The following SPEF2 variants were observed in gnomAD, a reference collection of about 807,000 sequenced individuals.
SPEF2 encodes the protein sperm flagellar and cilia associated 2.
A neutral mutation model predicts 224.6 loss-of-function variants in SPEF2; 187 were observed. The ratio of observed to expected loss-of-function variants is 0.83; its 90% CI spans 0.74 to 0.94. SPEF2 has a LOEUF of 0.94. Ranked by LOEUF, SPEF2 falls within the 40% of genes least tolerant of loss-of-function variation. The pLI is 0.00. For missense variants in SPEF2, 2,170 were observed against 2,135.6 expected (o/e 1.02, Z -0.32); for synonymous variants, 715 against 707.3 (o/e 1.01, Z -0.17).
At chr5:35,808,881 C>CATATATAT (rs34389759) in intron 36 of SPEF2, among the ~76,000 whole-genome samples, 71 of 143,334 alleles carry the variant, frequency 5.0e-4, no homozygotes, top group Middle Eastern at 3.7e-3. Context: ...TTGGGTTTTA[C>CATATATAT]ATATATATAT....
intron 2 of SPEF2, among the ~76,000 whole-genome samples, chr5:35,632,279 G>A (rs563192876): frequency 1.3e-5 from 2 of 152,144 alleles, no homozygotes; most frequent in Non-Finnish European, 2.9e-5. Flanking sequence ...ACATTGCTGG[G>A]GAGGCCTCAG....
Position 35,773,979 on chromosome 5 carries a change from G to C in SPEF2, c.4036G>C (p.Val1346Leu). Residue 1346 changes from valine to leucine, a missense_variant, in exon 28 of 37, where the codon GTC becomes CTC. Physicochemically the swap from Val to Leu is conservative, Grantham distance 32. Coordinates refer to ENST00000356031, the MANE Select transcript of SPEF2 (RefSeq NM_024867.4). ...AEIKRKNELR[V>L]KIKEEHLAAL... ...AATCAAAAGGAAAAATGAACTGAGG[G>C]TCAAAATAAAAGAAGAACACCTTGC... The C allele has an allele frequency of 6.2e-7, 1 of 1,613,156 alleles. No homozygotes were observed. Among genetic ancestry groups the C allele is most frequent in the Non-Finnish European group, 8.5e-7 (1 of 1,179,512 alleles).
intron 9 of SPEF2, among the ~76,000 whole-genome samples, chr5:35,669,162 A>G (rs1347307216): frequency 3.3e-5 from 5 of 152,188 alleles, no homozygotes; most frequent in Middle Eastern, 3.4e-3. Context: ...AAGTGGAATA[A>G]TATATTTGTC....
At position 35,670,211 on chromosome 5, in the gene SPEF2, A is replaced by T. The variant is rs1030076712; in HGVS notation, c.1508A>T (p.Asp503Val). The part of the protein sequence containing the change: ...LEKRDLLDTN[D>V]YEEYKNMVGE... ...AAAAGGGACTTGCTAGATACCAATG[A>T]TTATGAAGAATATAAGGTACCTACT... The change falls in exon 10 of 37, where the codon GAT becomes GTT. Residue 503 changes from aspartate (D) to valine (V), a missense_variant. Coordinates refer to ENST00000356031, the MANE Select transcript of SPEF2 (RefSeq NM_024867.4). 1.2e-6 allele frequency: 2 copies of T among 1,608,932 alleles called. No individual in the cohort carries two copies. Among genetic ancestry groups the T allele is most frequent in the Admixed American group, 1.7e-5 (1 of 59,352 alleles).
At chr5:35,793,769 G>C (rs918845525) in intron 32 of SPEF2, among the ~76,000 whole-genome samples, 3 of 121,620 alleles carry the variant, frequency 2.5e-5, no homozygotes, top group African/African-American at 6.0e-5. Flanking sequence ...CACACACACA[G>C]GGAAAGGAGC....
intron 2 of SPEF2, among the ~76,000 whole-genome samples, chr5:35,629,035 T>G (rs930742747): frequency 2.0e-5 from 3 of 152,072 alleles, no homozygotes; most frequent in African/African-American, 7.2e-5. Flanking sequence ...TGCACATACA[T>G]TTTTTATTGT....
chr5:35,694,150 C>G (rs1310992315), intron 12 of SPEF2, 138 bp from the exon 13 acceptor site: 6 of 636,238 alleles, frequency 9.4e-6, no homozygotes, highest in Non-Finnish European at 1.6e-5. Flanking sequence ...AAACTTTAAT[C>G]TCCTTTAAAA....
chr5:35,756,206 A>G (rs1235953833), intron 24 of SPEF2, among the ~76,000 whole-genome samples: 1 of 152,142 alleles, frequency 6.6e-6, no homozygotes, highest in Non-Finnish European at 1.5e-5. Flanking sequence ...CACCCTGTAG[A>G]TGCTACCTGC....
intron 29 of SPEF2, among the ~76,000 whole-genome samples, chr5:35,776,842 C>T (rs1753674367): frequency 6.6e-6 from 1 of 152,184 alleles, no homozygotes; most frequent in African/African-American, 2.4e-5. Flanking sequence ...GTAAGACCAA[C>T]CCCAAGTTCT....
chr5:35,689,043 T>G (rs1268369063), intron 10 of SPEF2, among the ~76,000 whole-genome samples: 2 of 152,158 alleles, frequency 1.3e-5, no homozygotes, highest in African/African-American at 4.8e-5. Context: ...CAGGAAAGCT[T>G]TCTATCTTCT....
intron 10 of SPEF2, among the ~76,000 whole-genome samples, chr5:35,682,192 C>T (rs190273522): frequency 6.6e-4 from 100 of 152,218 alleles, no homozygotes; most frequent in African/African-American, 2.2e-3. Flanking sequence ...AGTTACAGTA[C>T]ATTGGCTGCC....
intron 12 of SPEF2, 150 bp from the exon 13 acceptor site, chr5:35,694,138 T>G (rs1561208896): frequency 1.6e-6 from 1 of 622,070 alleles, no homozygotes; most frequent in Non-Finnish European, 2.8e-6. Flanking sequence ...AATTTAGAAC[T>G]GAAACTTTAA....
intron 4 of SPEF2, among the ~76,000 whole-genome samples, chr5:35,644,796 G>A (rs1032413498): frequency 2.0e-5 from 3 of 152,132 alleles, no homozygotes; most frequent in African/African-American, 7.2e-5. Context: ...TTCACTGGTA[G>A]AAATCAATGT....
At chr5:35,753,544 A>G (rs944856867) in intron 23 of SPEF2, 80 bp from the exon 24 acceptor site, 17 of 1,588,240 alleles carry the variant, frequency 1.1e-5, no homozygotes, top group African/African-American at 1.3e-5. Context: ...AAGAGAGGCA[A>G]AGGATTTTAG....
In SPEF2 at chr5:35,806,615, G is replaced by C. The variant is rs999455337; in HGVS notation, c.5011-92G>C. 4.8e-6 allele frequency: 7 copies of C among 1,468,456 alleles called. No homozygotes were observed. In the African/African-American group the frequency reaches 7.1e-5, roughly 15 times the overall value. The allele number at this position is 1,468,456 out of a possible 1,614,324, so 91.0% of individuals were successfully genotyped here. A position where few individuals can be genotyped will look rare whatever the true frequency, so the allele number is the denominator to read the frequency against. ...TGGTAGGCTCTGTCATTCATGAAAA[G>C]TGTGTGATTATGAAATTGGTATATT... On this transcript the variant is annotated intron_variant, in intron 34 of 36. Transcript: ENST00000356031.
At chr5:35,694,584 G>T (rs184639509) in intron 13 of SPEF2, among the ~76,000 whole-genome samples, 1 of 152,180 alleles carries the variant, frequency 6.6e-6, no homozygotes, top group Non-Finnish European at 1.5e-5. Context: ...AGCCTCCTTC[G>T]AATAGTTGAT....
chr5:35,793,654 A>G (rs1381530498), intron 32 of SPEF2, among the ~76,000 whole-genome samples: 1 of 152,050 alleles, frequency 6.6e-6, no homozygotes, highest in African/African-American at 2.4e-5. Context: ...GTACATTAGA[A>G]TCATCTGCAA....
At chr5:35,644,301 A>C (rs1747035959) in intron 3 of SPEF2, 54 bp from the exon 4 acceptor site, 2 of 1,366,652 alleles carry the variant, frequency 1.5e-6, no homozygotes, top group Non-Finnish European at 1.9e-6. Flanking sequence ...GCTTATAATG[A>C]AAATGTACTC....
intron 2 of SPEF2, among the ~76,000 whole-genome samples, chr5:35,630,546 A>C (rs1580034404): frequency 6.6e-6 from 1 of 152,078 alleles, no homozygotes; most frequent in East Asian, 1.9e-4. Flanking sequence ...AATACAAAAA[A>C]TTAGCCGGGC....
Sources: allele counts gnomAD v4.1 joint callset (sites outside exome capture counted in the v4.1 genomes callset), GRCh38; gene constraint gnomAD v4.1.1; transcripts MANE v1.5; gene names NCBI Gene and HGNC (gene_info 2026-07-23, HGNC 2026-07-21).